The following LHFPL4 variants were observed in gnomAD, a reference collection of about 807,000 sequenced individuals.
The protein encoded by LHFPL4 is LHFPL tetraspan subfamily member 4 protein.
Under a neutral mutation model 20.0 loss-of-function variants are expected in LHFPL4, and 6 were observed. That is an observed-to-expected ratio of 0.30 (90% CI 0.16 to 0.59). The LOEUF is 0.59. Ranked by LOEUF, LHFPL4 falls within the 20% of genes least tolerant of loss-of-function variation. The pLI is 0.88. For synonymous variants in LHFPL4, 129 were observed against 143.8 expected, an observed-to-expected ratio of 0.90 and a Z score of 0.74; for missense variants, 215 against 331.2, an observed-to-expected ratio of 0.65 and a Z score of 2.72.
intron 2 of LHFPL4, among the ~76,000 whole-genome samples, chr3:9,527,495 T>C (rs1225503092): frequency 6.6e-6 from 1 of 152,012 alleles, no homozygotes. Context: ...GGTGGGACGA[T>C]TGCTTGAGCC....
At chr3:9,502,456 C>G in intron 3 of LHFPL4, 145 bp from the exon 4 acceptor site, 1 of 657,962 alleles carries the variant, frequency 1.5e-6, no homozygotes, top group Non-Finnish European at 2.8e-6. Flanking sequence ...AATCCCAGCA[C>G]TTTGGGAGGC....
In LHFPL4 at chr3:9,498,475, A is replaced by T. The variant is rs1293787171; in HGVS notation, c.*3736T>A. 1 of 152,740 alleles carries T rather than the reference A, an allele frequency of 6.5e-6. No homozygotes were observed. The highest frequency in any genetic ancestry group is 1.5e-5 in the Non-Finnish European group (1 of 68,128). 9.5% of individuals were successfully genotyped at this position (152,740 alleles called of 1,614,324 possible). A position where few individuals can be genotyped will look rare whatever the true frequency, so the allele number is the denominator to read the frequency against. ...ATAAATGTTACCAAATTAGACAATG[A>T]ACAGCGAGGACACACTCAGACAAAA... On this transcript the variant is annotated 3_prime_UTR_variant, in exon 4 of 4. Coordinates refer to ENST00000287585, the MANE Select transcript of LHFPL4 (RefSeq NM_198560.3).
intron 2 of LHFPL4, among the ~76,000 whole-genome samples, chr3:9,533,746 C>T (rs774819134): frequency 6.6e-6 from 1 of 152,060 alleles, no homozygotes; most frequent in South Asian, 2.1e-4. Context: ...TGTGCCACTG[C>T]ACTCCAGCCT....
chr3:9,513,263 A>G (rs2046274215), intron 2 of LHFPL4, among the ~76,000 whole-genome samples: 1 of 151,802 alleles, frequency 6.6e-6, no homozygotes, highest in South Asian at 2.1e-4. Context: ...CCCGGCCTGG[A>G]CATTTGTTTT....
intron 2 of LHFPL4, among the ~76,000 whole-genome samples, chr3:9,533,700 T>C (rs2046426133): frequency 6.6e-6 from 1 of 152,040 alleles, no homozygotes; most frequent in South Asian, 2.1e-4. Context: ...GAGAATGGCA[T>C]GAACCTGGGA....
At chr3:9,512,955 T>G (rs2046270919) in intron 2 of LHFPL4, among the ~76,000 whole-genome samples, 1 of 152,182 alleles carries the variant, frequency 6.6e-6, no homozygotes, top group Middle Eastern at 3.4e-3. Context: ...TTTTGTTTGT[T>G]TGTTTGTTTG....
chr3:9,537,838 A>G (rs1306307932), intron 2 of LHFPL4, among the ~76,000 whole-genome samples: 3 of 152,018 alleles, frequency 2.0e-5, no homozygotes, highest in Non-Finnish European at 4.4e-5. Flanking sequence ...CTATGCTCAG[A>G]TTCATACAAT....
chr3:9,544,481 T>C lies in LHFPL4; in HGVS notation c.406+7793A>G, dbSNP rs752861119. Among the ~76,000 whole-genome samples, 7 of 151,340 alleles carry C rather than the reference T, an allele frequency of 4.6e-5. No individual in the cohort carries two copies. The South Asian group carries it at 6.3e-4, about 14-fold the overall frequency. On this transcript the variant is annotated intron_variant, in intron 2 of 3. Coordinates refer to ENST00000287585, the MANE Select transcript of LHFPL4 (RefSeq NM_198560.3). ...CTCTACTAAAAATACAAAAATTAGC[T>C]AGGCATGGTGGTGGGCACCTGTACT...
chr3:9,502,409 G>A lies in LHFPL4; in HGVS notation c.644-98C>T, dbSNP rs932809410. 1.3e-5 allele frequency: 12 copies of A among 894,222 alleles called. No individual in the cohort carries two copies. The African/African-American group carries it at 1.5e-4, about 11-fold the overall frequency. 55.4% of individuals were successfully genotyped at this position (894,222 alleles called of 1,614,324 possible). A position where few individuals can be genotyped will look rare whatever the true frequency, so the allele number is the denominator to read the frequency against. On this transcript the variant is annotated intron_variant, in intron 3 of 3. Coordinates refer to ENST00000287585, the MANE Select transcript of LHFPL4 (RefSeq NM_198560.3). ...TCCTTGCACATTCCCCAGGGCACAA[G>A]TGGGCAGAGGGGCCGGGCGCGGTGG...
intron 2 of LHFPL4, among the ~76,000 whole-genome samples, chr3:9,540,349 C>T (rs2046469696): frequency 6.6e-6 from 1 of 152,114 alleles, no homozygotes; most frequent in South Asian, 2.1e-4. Flanking sequence ...TTAGCAGTGG[C>T]TTGGAAATAT....
intron 2 of LHFPL4, among the ~76,000 whole-genome samples, chr3:9,526,198 G>A (rs1312470475): frequency 6.6e-6 from 1 of 152,112 alleles, no homozygotes; most frequent in African/African-American, 2.4e-5. Flanking sequence ...GAGACAGAAG[G>A]TGAAATGGTA....
At chr3:9,507,244 G>A (rs139585123) in intron 2 of LHFPL4, among the ~76,000 whole-genome samples, 63 of 152,350 alleles carry the variant, frequency 4.1e-4, no homozygotes, top group African/African-American at 1.4e-3. Context: ...CAGGCCTGCG[G>A]GGTGGGGAGA....
intron 3 of LHFPL4, among the ~76,000 whole-genome samples, chr3:9,505,081 C>T (rs1034832205): frequency 6.6e-6 from 1 of 152,098 alleles, no homozygotes; most frequent in African/African-American, 2.4e-5. Context: ...CTGTCCATGG[C>T]CATTGGGCTG....
chr3:9,531,670 G>A (rs1236138245), intron 2 of LHFPL4, among the ~76,000 whole-genome samples: 7 of 152,080 alleles, frequency 4.6e-5, no homozygotes, highest in Admixed American at 6.6e-5. Flanking sequence ...GGTGTGTGGT[G>A]CGCACCTGTA....
intron 2 of LHFPL4, among the ~76,000 whole-genome samples, chr3:9,522,826 G>C (rs1487720610): frequency 2.0e-5 from 3 of 151,604 alleles, no homozygotes. Context: ...TGGATCACGA[G>C]GTCAGGAGAT....
chr3:9,498,579 C>T lies in LHFPL4; in HGVS notation c.*3632G>A, dbSNP rs2046147266. 6.5e-6 allele frequency: 1 copy of T among 152,726 alleles called. No individual in the cohort carries two copies. The highest frequency in any genetic ancestry group is 1.5e-5 in the Non-Finnish European group (1 of 68,094). The allele number at this position is 152,726 out of a possible 1,614,324, so 9.5% of individuals were successfully genotyped here. A position where few individuals can be genotyped will look rare whatever the true frequency, so the allele number is the denominator to read the frequency against. On this transcript the variant is annotated 3_prime_UTR_variant, in exon 4 of 4. Coordinates refer to ENST00000287585, the MANE Select transcript of LHFPL4 (RefSeq NM_198560.3). ...GCCCTCGGAGGCCTGCCCATCAGAG[C>T]TCTGCGGAAGGCTCCCTTGTTCCCT...
intron 2 of LHFPL4, among the ~76,000 whole-genome samples, chr3:9,508,430 G>A (rs940554051): frequency 2.0e-5 from 3 of 152,208 alleles, no homozygotes; most frequent in African/African-American, 7.2e-5. Flanking sequence ...TGCAGCCAAA[G>A]GGAATGGCAA....
At chr3:9,516,663 G>A (rs1351358602) in intron 2 of LHFPL4, among the ~76,000 whole-genome samples, 2 of 151,914 alleles carry the variant, frequency 1.3e-5, no homozygotes, top group African/African-American at 2.4e-5. Context: ...TAGTAGAGAC[G>A]GGGTTTCACC....
chr3:9,532,550 G>A (rs1474264767), intron 2 of LHFPL4, among the ~76,000 whole-genome samples: 4 of 152,020 alleles, frequency 2.6e-5, no homozygotes, highest in Non-Finnish European at 5.9e-5. Context: ...CTCTTTCTGG[G>A]CTTGTCTCAA....
Sources: gnomAD v4.1 joint callset for allele counts (sites outside exome capture counted in the v4.1 genomes callset) on GRCh38, gnomAD v4.1.1 for gene constraint, MANE v1.5 for transcripts, NCBI Gene and HGNC (gene_info 2026-07-23, HGNC 2026-07-21) for gene names.